Variants in PKD2 observed in about 807,000 individuals in gnomAD.
PKD2 encodes polycystin-2.
PKD2 carries 48 observed loss-of-function variants against 105.9 expected under a neutral mutation model. The observed-to-expected ratio is 0.45, with a 90% CI of 0.36 to 0.58. The LOEUF (loss-of-function observed/expected upper bound fraction) is 0.58, where lower values mean the gene tolerates loss of function less well. PKD2 is among the 20% of genes least tolerant of loss of function. The probability of loss-of-function intolerance (pLI) is 0.00; values close to 1 mark genes in which losing one functional copy is unlikely to be tolerated. For missense variants in PKD2, 1,078 were observed against 1,255.3 expected (o/e 0.86, Z 2.13); for synonymous variants, 464 against 481.1 (o/e 0.96, Z 0.46).
At chr4:88,067,337 G>A (rs1056097264) in intron 12 of PKD2, among the ~76,000 whole-genome samples, 3 of 152,142 alleles carry the variant, frequency 2.0e-5, no homozygotes, top group African/African-American at 7.2e-5. Flanking sequence ...TACTCAACCT[G>A]TAATATATTT....
At chr4:88,069,110 C>T (rs540949805) in intron 13 of PKD2, among the ~76,000 whole-genome samples, 1 of 152,258 alleles carries the variant, frequency 6.6e-6, no homozygotes, top group African/African-American at 2.4e-5. Flanking sequence ...TGTAACCACT[C>T]CAGCTTTCTT....
chr4:88,021,046 G>T (rs1000977341), intron 2 of PKD2, among the ~76,000 whole-genome samples: 1 of 152,150 alleles, frequency 6.6e-6, no homozygotes, highest in Non-Finnish European at 1.5e-5. Flanking sequence ...TGAGTTTGCT[G>T]CCTGCATTAA....
chr4:88,010,221 A>G (rs1355362700), intron 1 of PKD2, among the ~76,000 whole-genome samples: 1 of 152,128 alleles, frequency 6.6e-6, no homozygotes, highest in East Asian at 1.9e-4. Context: ...CAGCTTCCCA[A>G]GTAGTTGGGA....
Position 88,056,155 on chromosome 4 carries a change from G to A in PKD2, c.1786G>A (p.Asp596Asn). The change falls in exon 8 of 15, where the codon GAC becomes AAC. Residue 596 changes from aspartate to asparagine, a missense_variant. Asp to Asn is a conservative substitution (Grantham distance 23, BLOSUM62 1). This residue lies in a region of PKD2 where 868 missense variants were observed against 1,067.3 expected (regional missense o/e 0.81). Coordinates refer to ENST00000237596, the MANE Select transcript of PKD2 (RefSeq NM_000297.4). ...GACAACCATGTCTCGATGTGCCAAA[G>A]ACCTGTTTGGCTTTGCTATTATGTT... ...LSTTMSRCAK[D>N]LFGFAIMFFI... is the part of the protein sequence containing the mutation. The A allele has an allele frequency of 6.2e-7, 1 of 1,612,630 alleles. No individual in the cohort carries two copies. Among genetic ancestry groups the A allele is most frequent in the Non-Finnish European group, 8.5e-7 (1 of 1,178,732 alleles).
chr4:88,049,989 T>G (rs1430358474), intron 6 of PKD2, among the ~76,000 whole-genome samples: 1 of 148,940 alleles, frequency 6.7e-6, no homozygotes, highest in Non-Finnish European at 1.5e-5. Context: ...TTTTTTTTTT[T>G]TTTGAGATGG....
intron 9 of PKD2, among the ~76,000 whole-genome samples, chr4:88,059,596 C>T (rs1022307170): frequency 8.5e-5 from 13 of 152,078 alleles, no homozygotes; most frequent in African/African-American, 3.1e-4. Flanking sequence ...CTAGAGTATT[C>T]AGTCATCTTA....
intron 4 of PKD2, 123 bp from the exon 5 acceptor site, chr4:88,043,110 A>G: frequency 1.4e-6 from 1 of 705,680 alleles, no homozygotes; most frequent in Non-Finnish European, 2.5e-6. Flanking sequence ...CAGGTCAGGC[A>G]CAGTACCCAG....
chr4:88,033,786 AC>A (rs1406026146), intron 2 of PKD2, among the ~76,000 whole-genome samples: 2 of 152,378 alleles, frequency 1.3e-5, no homozygotes, highest in East Asian at 3.9e-4. Flanking sequence ...AATGCAAAGT[AC>A]ATTCCAATTC....
intron 1 of PKD2, among the ~76,000 whole-genome samples, chr4:88,012,938 A>G (rs934776238): frequency 6.6e-6 from 1 of 152,148 alleles, no homozygotes; most frequent in African/African-American, 2.4e-5. Context: ...TTGTGTGTGT[A>G]CATGTGCACA....
Position 88,065,427 on chromosome 4 carries a change from C to A in PKD2, c.2172C>A (p.Asp724Glu), listed in dbSNP as rs1720755050. ...AACTGAAAAAAAATACCGTGGATGACATTTCAGAGAGTCTGCGGCAAGGAG... is the reference window on the plus strand; with the variant it reads ...AACTGAAAAAAAATACCGTGGATGAAATTTCAGAGAGTCTGCGGCAAGGAG... ...KLKLKKNTVDDISESLRQGGG... is the reference protein window; with the variant it reads ...KLKLKKNTVDEISESLRQGGG... The change falls in exon 11 of 15, where the codon GAC becomes GAA. Residue 724 changes from aspartate (D) to glutamate (E), a missense_variant. By Grantham distance (45) the Asp-to-Glu change is conservative. Coordinates refer to ENST00000237596, the MANE Select transcript of PKD2 (RefSeq NM_000297.4). The A allele has an allele frequency of 6.2e-7, 1 of 1,612,138 alleles. No individual in the cohort carries two copies. The highest frequency in any genetic ancestry group is 1.3e-5 in the African/African-American group (1 of 75,006).
chr4:88,019,196 C>T (rs866119999), intron 1 of PKD2, among the ~76,000 whole-genome samples: 2 of 151,974 alleles, frequency 1.3e-5, no homozygotes, highest in Non-Finnish European at 2.9e-5. Flanking sequence ...TGCTAATGGG[C>T]TTGGGAGCCT....
intron 2 of PKD2, among the ~76,000 whole-genome samples, chr4:88,024,535 G>A (rs1372349349): frequency 1.3e-5 from 2 of 150,034 alleles, no homozygotes; most frequent in East Asian, 3.9e-4. Flanking sequence ...TGCAAGGAAG[G>A]TATTTGGTGA....
chr4:88,008,765 T>A lies in PKD2; in HGVS notation c.595+437T>A, dbSNP rs58337458. On this transcript the variant is annotated intron_variant, in intron 1 of 14. Coordinates refer to ENST00000237596, the MANE Select transcript of PKD2 (RefSeq NM_000297.4). ...AGTCACCCGTGGTTTCCTTCTTGCC[T>A]GGACACTCCATTGTCCCGGGCTGAA... Among the ~76,000 whole-genome samples the A allele has an allele frequency of 6.2e-3, 949 of 152,238 alleles. 16 individuals carry two copies. The highest frequency in any genetic ancestry group is 0.022 in the African/African-American group (898 of 41,530).
intron 1 of PKD2, among the ~76,000 whole-genome samples, chr4:88,018,548 T>C (rs1224483204): frequency 2.0e-5 from 3 of 152,208 alleles, no homozygotes; most frequent in African/African-American, 7.2e-5. Context: ...GTTTGTCTTT[T>C]TTGGAAAGTG....
rs1434655696 is a variant in PKD2, at chr4:88,043,275, C to G, written c.1137C>G (p.His379Gln). 5.0e-6 allele frequency: 8 copies of G among 1,613,292 alleles called. No individual in the cohort carries two copies. The highest frequency in any genetic ancestry group is 5.9e-6 in the Non-Finnish European group (7 of 1,179,416). ...AAAAAGACTTGAATGGTAGTAGCCA[C>G]TGGGGAATCATTGCAACTTATAGTG... Reference protein sequence around the residue: ...TSEKDLNGSSHWGIIATYSGA... With the variant: ...TSEKDLNGSSQWGIIATYSGA... Residue 379 changes from histidine (H) to glutamine (Q), a missense_variant, in exon 5 of 15, where the codon CAC becomes CAG. Transcript: ENST00000237596.
intron 2 of PKD2, among the ~76,000 whole-genome samples, chr4:88,022,540 A>G (rs1726789670): frequency 6.6e-6 from 1 of 152,216 alleles, no homozygotes; most frequent in African/African-American, 2.4e-5. Context: ...AGGAAGTGAG[A>G]ATAACCAGGC....
chr4:88,074,519 A>G (rs892003380), intron 13 of PKD2, among the ~76,000 whole-genome samples: 1 of 152,182 alleles, frequency 6.6e-6, no homozygotes, highest in African/African-American at 2.4e-5. Flanking sequence ...AAAATTACAC[A>G]TATATAAAAT....
At position 88,077,050 on chromosome 4, in the gene PKD2, T is replaced by A. The variant is rs1267570519; in HGVS notation, c.*1356T>A. 6.6e-6 allele frequency: 1 copy of A among 152,008 alleles called. No individual in the cohort carries two copies. Among genetic ancestry groups the A allele is most frequent in the Non-Finnish European group, 1.5e-5 (1 of 68,008 alleles). 9.4% of individuals were successfully genotyped at this position (152,008 alleles called of 1,614,324 possible). A position where few individuals can be genotyped will look rare whatever the true frequency, so the allele number is the denominator to read the frequency against. On this transcript the variant is annotated 3_prime_UTR_variant, in exon 15 of 15. Transcript: ENST00000237596. ...GAAATCTATTTCTCAAAAAAAAAAA[T>A]CTTCTTTTACAGAAATGTTGAGTAA...
intron 2 of PKD2, among the ~76,000 whole-genome samples, chr4:88,026,514 G>A (rs1444744616): frequency 6.6e-6 from 1 of 152,208 alleles, no homozygotes; most frequent in Non-Finnish European, 1.5e-5. Context: ...TGTTTAAAGG[G>A]GAAGCAGAGT....
Sources: allele counts gnomAD v4.1 joint callset (sites outside exome capture counted in the v4.1 genomes callset), GRCh38; gene constraint gnomAD v4.1.1; regional missense constraint gnomAD v4.1.1; transcripts MANE v1.5; gene names NCBI Gene and HGNC (gene_info 2026-07-23, HGNC 2026-07-21).